Variants in KANK1 observed in about 807,000 individuals in gnomAD.
The protein encoded by KANK1 is KN motif and ankyrin repeat domain-containing protein 1.
KANK1 carries 109 observed loss-of-function variants against 106.2 expected under a neutral mutation model. That is an observed-to-expected ratio of 1.03 (90% CI 0.88 to 1.20). KANK1 has a LOEUF of 1.20. Among genes scored for constraint, KANK1 ranks in the 50% most tolerant of loss-of-function variants. KANK1 has a pLI of 0.00. For synonymous variants in KANK1, 873 were observed against 652.2 expected (o/e 1.34, Z -5.16); for missense variants, 2,399 against 1,710.7 (o/e 1.40, Z -7.10).
chr9:508,280 G>A (rs2058865547), intron 1 of KANK1, among the ~76,000 whole-genome samples: 1 of 151,576 alleles, frequency 6.6e-6, no homozygotes, highest in African/African-American at 2.4e-5. Flanking sequence ...TGGGATTGCA[G>A]GCATCTGCCA....
chr9:712,699 TGCG>T lies in KANK1; in HGVS notation c.1934_1936del (p.Cys645_Ala646delinsSer). The T allele has an allele frequency of 6.2e-7, 1 of 1,613,252 alleles. No individual in the cohort carries two copies. Among genetic ancestry groups the T allele is most frequent in the Non-Finnish European group, 8.5e-7 (1 of 1,179,794 alleles). On this transcript the variant is annotated inframe_deletion, in exon 3 of 12. Coordinates refer to ENST00000382297, the MANE Select transcript of KANK1 (RefSeq NM_015158.5). ...CGTGACCGTCTGCTCTCCAAAGGAGTGCGCCTCCCGGGGCGTGAACACTGAGGC... is the reference window on the plus strand; with the variant it reads ...CGTGACCGTCTGCTCTCCAAAGGAGTCCTCCCGGGGCGTGAACACTGAGGC...
rs78541799 is a variant in KANK1 at position 551,884 on chromosome 9, C to A, written c.-84+47130C>A. Among the ~76,000 whole-genome samples, 433 of 120,694 alleles carry A rather than the reference C, an allele frequency of 3.6e-3. 2 individuals carry two copies. The highest frequency in any genetic ancestry group is 0.013 in the Middle Eastern group (3 of 238). The allele number at this position is 120,694 out of a possible 152,430, so 79.2% of individuals were successfully genotyped here. A position where few individuals can be genotyped will look rare whatever the true frequency, so the allele number is the denominator to read the frequency against. On this transcript the variant is annotated intron_variant, in intron 1 of 11. Coordinates refer to ENST00000382297, the MANE Select transcript of KANK1 (RefSeq NM_015158.5). Reference sequence around the variant, plus strand: ...GCAACATAGTAAGACCTTGTTTCTACAAAAAAAAAAAAAAATCAAAAATTA... The same window carrying A: ...GCAACATAGTAAGACCTTGTTTCTAAAAAAAAAAAAAAAAATCAAAAATTA...
chr9:591,590 G>C (rs1013044546), intron 1 of KANK1, among the ~76,000 whole-genome samples: 1 of 151,782 alleles, frequency 6.6e-6, no homozygotes, highest in African/African-American at 2.4e-5. Context: ...AAATTCTGCA[G>C]GTGCAGTTTC....
At chr9:677,527 A>G (rs1816645953) in intron 2 of KANK1, 1 of 152,356 alleles carries the variant, frequency 6.6e-6, no homozygotes, top group African/African-American at 2.4e-5. Context: ...TATTTTGGTT[A>G]TATTAGAGAC....
At position 745,434 on chromosome 9, in the gene KANK1, T is replaced by C. The variant is rs886550018; in HGVS notation, c.*199T>C. On this transcript the variant is annotated 3_prime_UTR_variant, in exon 12 of 12. Coordinates refer to ENST00000382297, the MANE Select transcript of KANK1 (RefSeq NM_015158.5). ...ACACACACCTCCTTTCTGGCCGTCTTCTGTGTAGGGCACACTTTAACCCAG... is the reference window on the plus strand; with the variant it reads ...ACACACACCTCCTTTCTGGCCGTCTCCTGTGTAGGGCACACTTTAACCCAG... 1.0e-5 allele frequency: 6 copies of C among 573,340 alleles called. No individual in the cohort carries two copies. The Admixed American group carries it at 1.8e-4, about 17-fold the overall frequency. The allele number at this position is 573,340 out of a possible 1,614,324, so 35.5% of individuals were successfully genotyped here.
chr9:699,534 C>T (rs1822146804), intron 2 of KANK1, among the ~76,000 whole-genome samples: 1 of 152,086 alleles, frequency 6.6e-6, no homozygotes, highest in Admixed American at 6.6e-5. Context: ...ATAAGATTAT[C>T]TGTGAGAGGA....
intron 2 of KANK1, among the ~76,000 whole-genome samples, chr9:709,685 G>T (rs1464883796): frequency 6.8e-6 from 1 of 147,994 alleles, no homozygotes; most frequent in Non-Finnish European, 1.5e-5. Context: ...GTGTGACCTC[G>T]CCTCACTGCA....
chr9:569,760 C>T (rs1048319647), intron 1 of KANK1, among the ~76,000 whole-genome samples: 1 of 151,680 alleles, frequency 6.6e-6, no homozygotes. Flanking sequence ...AATTTCACTT[C>T]TATTTTTTCT....
chr9:542,025 C>G (rs948773118), intron 1 of KANK1, among the ~76,000 whole-genome samples: 1 of 151,406 alleles, frequency 6.6e-6, no homozygotes, highest in Non-Finnish European at 1.5e-5. Flanking sequence ...GGAGGCGGAG[C>G]TTGCAGTGAG....
chr9:715,900 A>G (rs1031121477), intron 3 of KANK1, among the ~76,000 whole-genome samples: 1 of 152,220 alleles, frequency 6.6e-6, no homozygotes, highest in Admixed American at 6.5e-5. Flanking sequence ...TGATATAGTA[A>G]AGTGGAGATG....
At chr9:486,246 G>A (rs1416099005) in intron 3 of KANK1, among the ~76,000 whole-genome samples, 1 of 152,174 alleles carries the variant, frequency 6.6e-6, no homozygotes, top group East Asian at 1.9e-4. Context: ...AAAGTCAATT[G>A]CTTAACCAGG....
chr9:665,215 G>C (rs192523111), intron 1 of KANK1, among the ~76,000 whole-genome samples: 26 of 152,260 alleles, frequency 1.7e-4, no homozygotes, highest in Middle Eastern at 3.4e-3. Flanking sequence ...CTATGCTTTT[G>C]AGAACTTAAA....
chr9:477,863 C>CATG (rs2058133390), intron 3 of KANK1: 1 of 152,434 alleles, frequency 6.6e-6, no homozygotes, highest in Non-Finnish European at 1.5e-5. Flanking sequence ...GCCATGCTGC[C>CATG]CAAGTTCAAC....
In KANK1 at chr9:745,466, T is replaced by C. The variant is rs1410827257; in HGVS notation, c.*231T>C. 2 of 460,576 alleles carry C rather than the reference T, an allele frequency of 4.3e-6. No homozygotes were observed. The highest frequency in any genetic ancestry group is 7.8e-6 in the Non-Finnish European group (2 of 256,840). The allele number at this position is 460,576 out of a possible 1,614,324, so 28.5% of individuals were successfully genotyped here. A position where few individuals can be genotyped will look rare whatever the true frequency, so the allele number is the denominator to read the frequency against. ...AGGGCACACTTTAACCCAGTCTCTGTTGCTGTTGAGTCTCTGCTCCGTTTT... is the reference window on the plus strand; with the variant it reads ...AGGGCACACTTTAACCCAGTCTCTGCTGCTGTTGAGTCTCTGCTCCGTTTT... On this transcript the variant is annotated 3_prime_UTR_variant, in exon 12 of 12. Transcript: ENST00000382297.
chr9:510,858 T>C (rs924848943), intron 1 of KANK1, among the ~76,000 whole-genome samples: 1 of 152,142 alleles, frequency 6.6e-6, no homozygotes. Context: ...TTAACTCCTT[T>C]CCCCTCAGGT....
At chr9:656,124 G>A (rs1842085085) in intron 1 of KANK1, among the ~76,000 whole-genome samples, 1 of 152,186 alleles carries the variant, frequency 6.6e-6, no homozygotes, top group Non-Finnish European at 1.5e-5. Context: ...TTGGGACATG[G>A]CTTCATCCTG....
chr9:489,289 C>T (rs2058342812), intron 3 of KANK1, among the ~76,000 whole-genome samples: 1 of 152,058 alleles, frequency 6.6e-6, no homozygotes, highest in African/African-American at 2.4e-5. Flanking sequence ...ATCGTTTTGC[C>T]AAGTGCTCCT....
rs1824323301 is a variant in KANK1 at position 706,788 on chromosome 9, C to G, written c.38-4016C>G. ...GAGTGCTGCCCGGATCCTGAGAACC[C>G]GCAGAGAACAGTGGGGCTGATTGTG... On this transcript the variant is annotated intron_variant, in intron 2 of 11. Coordinates refer to ENST00000382297, the MANE Select transcript of KANK1 (RefSeq NM_015158.5). The G allele has an allele frequency of 3.2e-5, 32 of 985,418 alleles. No individual in the cohort carries two copies. The South Asian group carries it at 9.4e-4, about 29-fold the overall frequency. 61.0% of individuals were successfully genotyped at this position (985,418 alleles called of 1,614,324 possible).
intron 1 of KANK1, among the ~76,000 whole-genome samples, chr9:641,961 C>G (rs1411896588): frequency 6.6e-6 from 1 of 152,158 alleles, no homozygotes; most frequent in African/African-American, 2.4e-5. Flanking sequence ...AACCCATACC[C>G]ATTGGCAATC....
Sources: gnomAD v4.1 joint callset for allele counts (sites outside exome capture counted in the v4.1 genomes callset) on GRCh38, gnomAD v4.1.1 for gene constraint, MANE v1.5 for transcripts, NCBI Gene and HGNC (gene_info 2026-07-23, HGNC 2026-07-21) for gene names.